Variants in RBM47 observed in about 807,000 individuals in gnomAD.
RBM47 encodes RNA binding motif protein 47.
Under a neutral mutation model 47.1 loss-of-function variants are expected in RBM47, and 21 were observed. The ratio of observed to expected loss-of-function variants is 0.45; its 90% CI spans 0.32 to 0.64. RBM47 has a LOEUF of 0.64. Ranked by LOEUF, RBM47 falls within the 30% of genes least tolerant of loss-of-function variation. RBM47 has a pLI of 0.05. For missense variants in RBM47, 708 were observed against 870.9 expected (o/e 0.81, Z 2.35); for synonymous variants, 375 against 361.7 (o/e 1.04, Z -0.42).
At chr4:40,525,284 G>A (rs1020588727) in intron 2 of RBM47, among the ~76,000 whole-genome samples, 1 of 152,024 alleles carries the variant, frequency 6.6e-6, no homozygotes, top group Non-Finnish European at 1.5e-5. Flanking sequence ...CTAAAAATAC[G>A]AAAATTAGCC....
chr4:40,431,536 T>TCAG (rs1405193393), intron 6 of RBM47, among the ~76,000 whole-genome samples: 7 of 151,944 alleles, frequency 4.6e-5, no homozygotes, highest in Non-Finnish European at 4.4e-5. Flanking sequence ...CGTGCGCCTG[T>TCAG]AGTCCCAGCT....
intron 1 of RBM47, among the ~76,000 whole-genome samples, chr4:40,573,837 G>GAAAGAAAGAAAGAAAGAAAGAA (rs1732033429): frequency 6.9e-6 from 1 of 145,922 alleles, no homozygotes; most frequent in African/African-American, 2.6e-5. Flanking sequence ...GAAAGAAAGA[G>GAAAGAAAGAAAGAAAGAAAGAA]AAAGAAAGAA....
intron 1 of RBM47, among the ~76,000 whole-genome samples, chr4:40,579,955 G>A (rs1021032344): frequency 2.6e-5 from 4 of 151,768 alleles, no homozygotes; most frequent in South Asian, 4.2e-4. Flanking sequence ...ACAGGGTCTC[G>A]CCTTGTTGCC....
rs867895875 is a variant in RBM47, at chr4:40,495,889, C to G, written c.-154-29190G>C. 1.1e-4 allele frequency among the ~76,000 whole-genome samples: 17 copies of G among 152,224 alleles called. 1 individual carries two copies. The highest frequency in any genetic ancestry group is 1.1e-3 in the Admixed American group (17 of 15,290). On this transcript the variant is annotated intron_variant, in intron 2 of 6. Transcript: ENST00000295971. ...GAAGCTAACAGAATACCCTCACGTT[C>G]GTGGAGAGAACCTTTTTCACTGATT... is the stretch of plus-strand genomic sequence containing the variant.
intron 1 of RBM47, among the ~76,000 whole-genome samples, chr4:40,552,958 C>A (rs1480677511): frequency 6.6e-6 from 1 of 151,646 alleles, no homozygotes; most frequent in Non-Finnish European, 1.5e-5. Context: ...TCTCTGACAA[C>A]TTTCTTTTCT....
At chr4:40,491,881 A>G in intron 2 of RBM47, 1 of 175,808 alleles carries the variant, frequency 5.7e-6, no homozygotes, top group Non-Finnish European at 1.2e-5. Flanking sequence ...AGTGTAACTG[A>G]AGTATCAAGG....
Position 40,493,837 on chromosome 4 carries a change from G to C in RBM47, c.-154-27138C>G, listed in dbSNP as rs543438956. ...GCCTGTAATCCCAGCTACTCCGGAGGTTGAGGCACGAGAGTTGCTTGAACC... is the reference window on the plus strand; with the variant it reads ...GCCTGTAATCCCAGCTACTCCGGAGCTTGAGGCACGAGAGTTGCTTGAACC... On this transcript the variant is annotated intron_variant, in intron 2 of 6. Transcript: ENST00000295971. Among the ~76,000 whole-genome samples, 255 of 151,722 alleles carry C rather than the reference G, an allele frequency of 1.7e-3. 2 individuals carry two copies. The highest frequency in any genetic ancestry group is 0.014 in the Middle Eastern group (4 of 292).
intron 2 of RBM47, among the ~76,000 whole-genome samples, chr4:40,525,685 GT>G (rs1370931707): frequency 1.3e-5 from 2 of 152,122 alleles, no homozygotes; most frequent in African/African-American, 2.4e-5. Flanking sequence ...AAAAACTGGA[GT>G]TTTTTGGTAA....
Position 40,438,607 on chromosome 4 carries a change from C to T in RBM47, c.287G>A (p.Arg96His), listed in dbSNP as rs150976989. 2.0e-5 allele frequency: 32 copies of T among 1,613,764 alleles called. No individual in the cohort carries two copies. In the African/African-American group the frequency reaches 2.4e-4, roughly 12 times the overall value. ...ELVPVFEAVG[R>H]IYELRLMMDF... is the part of the protein sequence containing the mutation. ...CATCATGAGGCGCAGCTCGTAGATG[C>T]GGCCCACGGCCTCGAACACGGGCAC... Residue 96 changes from arginine (R) to histidine (H), a missense_variant, in exon 4 of 7, where the codon CGC (arginine) becomes CAC (histidine). Physicochemically the swap from Arg to His is conservative, Grantham distance 29. Coordinates refer to ENST00000295971, the MANE Select transcript of RBM47 (RefSeq NM_001098634.2).
intron 2 of RBM47, among the ~76,000 whole-genome samples, chr4:40,511,083 C>T (rs2154253395): frequency 6.6e-6 from 1 of 152,282 alleles, no homozygotes; most frequent in East Asian, 1.9e-4. Flanking sequence ...TTACTTCATC[C>T]TGCAAAAAGC....
chr4:40,540,180 T>C (rs1272597468), intron 2 of RBM47, among the ~76,000 whole-genome samples: 1 of 152,102 alleles, frequency 6.6e-6, no homozygotes, highest in Non-Finnish European at 1.5e-5. Context: ...TTGCTGTGGC[T>C]TGAGAAAAAT....
rs1183775922 is a variant in RBM47, at chr4:40,423,705, TTTCTTTC to T, written c.*2192_*2198del. 1.0e-4 allele frequency: 5 copies of T among 49,482 alleles called. No homozygotes were observed. Among genetic ancestry groups the T allele is most frequent in the African/African-American group, 2.3e-4 (2 of 8,680 alleles). 3.1% of individuals were successfully genotyped at this position (49,482 alleles called of 1,614,324 possible). The stretch of plus-strand genomic sequence containing the variant: ...CTTTCTTTCTTTCTTTCTTTCTTTC[TTTCTTTC>T]TTTTCTTTCTTTTCTTTCTTCCTCT... On this transcript the variant is annotated 3_prime_UTR_variant, in exon 7 of 7. Coordinates refer to ENST00000295971, the MANE Select transcript of RBM47 (RefSeq NM_001098634.2).
At chr4:40,458,003 T>C (rs1461186995) in intron 3 of RBM47, among the ~76,000 whole-genome samples, 2 of 152,150 alleles carry the variant, frequency 1.3e-5, no homozygotes, top group East Asian at 3.8e-4. Flanking sequence ...AAAGTGAACG[T>C]TCCCAAACAT....
At position 40,493,629 on chromosome 4, in the gene RBM47, C is replaced by T. The variant is rs146346369; in HGVS notation, c.-154-26930G>A. On this transcript the variant is annotated intron_variant, in intron 2 of 6. Transcript: ENST00000295971. ...TGAAACCCTGTCTCTACCAAATGTACAAAAATTAGCCAGGCGTGGTGGTGG... is the reference window on the plus strand; with the variant it reads ...TGAAACCCTGTCTCTACCAAATGTATAAAAATTAGCCAGGCGTGGTGGTGG... Among the ~76,000 whole-genome samples the T allele has an allele frequency of 2.7e-3, 416 of 152,054 alleles. 2 individuals are homozygous for T. The highest frequency in any genetic ancestry group is 8.9e-3 in the African/African-American group (368 of 41,458).
chr4:40,598,890 G>A (rs1031195219), intron 1 of RBM47, among the ~76,000 whole-genome samples: 9 of 148,716 alleles, frequency 6.1e-5, no homozygotes, highest in Middle Eastern at 3.6e-3. Context: ...GGAATCTGTC[G>A]TAATTTATTC....
intron 4 of RBM47, 144 bp downstream of exon 4, chr4:40,437,627 A>T: frequency 1.3e-6 from 1 of 750,582 alleles, no homozygotes; most frequent in Non-Finnish European, 2.2e-6. Context: ...AAAGAATTAG[A>T]CCCAGAATGC....
chr4:40,619,816 A>G (rs1578082294), intron 1 of RBM47, among the ~76,000 whole-genome samples: 1 of 152,148 alleles, frequency 6.6e-6, no homozygotes, highest in African/African-American at 2.4e-5. Flanking sequence ...CCCAACAAAG[A>G]AAGTCCCAGA....
intron 1 of RBM47, among the ~76,000 whole-genome samples, chr4:40,559,045 G>A (rs1007720418): frequency 1.3e-5 from 2 of 152,124 alleles, no homozygotes; most frequent in East Asian, 3.9e-4. Context: ...CTGTGCTAGT[G>A]ATTGTGGTGA....
At chr4:40,572,281 A>G (rs1731803108) in intron 1 of RBM47, among the ~76,000 whole-genome samples, 2 of 149,068 alleles carry the variant, frequency 1.3e-5, no homozygotes, top group Non-Finnish European at 3.0e-5. Context: ...CACTAGGGAG[A>G]CTGAGGTAGG....
Sources: allele counts gnomAD v4.1 joint callset (sites outside exome capture counted in the v4.1 genomes callset), GRCh38; gene constraint gnomAD v4.1.1; transcripts MANE v1.5; gene names NCBI Gene and HGNC (gene_info 2026-07-23, HGNC 2026-07-21).